The following PLEKHG1 variants were observed in gnomAD, a reference collection of about 807,000 sequenced individuals.
PLEKHG1 encodes pleckstrin homology and RhoGEF domain containing G1.
A neutral mutation model predicts 100.8 loss-of-function variants in PLEKHG1; 44 were observed. The ratio of observed to expected loss-of-function variants is 0.44; its 90% CI spans 0.34 to 0.56. PLEKHG1 has a LOEUF of 0.56. Ranked by LOEUF, PLEKHG1 falls within the 20% of genes least tolerant of loss-of-function variation. The pLI is 0.01. For synonymous variants in PLEKHG1, 640 were observed against 662.5 expected (o/e 0.97, Z 0.52); for missense variants, 1,545 against 1,720.9 (o/e 0.90, Z 1.81).
intron 10 of PLEKHG1, among the ~76,000 whole-genome samples, chr6:150,812,491 G>C (rs1006506566): frequency 2.6e-5 from 4 of 152,092 alleles, no homozygotes. Flanking sequence ...AGGCTGCCGA[G>C]GTCAAGGAGA....
intron 2 of PLEKHG1, among the ~76,000 whole-genome samples, chr6:150,756,126 A>C (rs1783827255): frequency 6.6e-6 from 1 of 152,130 alleles, no homozygotes; most frequent in African/African-American, 2.4e-5. Context: ...ATGAATTAGG[A>C]CCAGGCCTCC....
chr6:150,798,981 T>A (rs1786534508), intron 5 of PLEKHG1, among the ~76,000 whole-genome samples: 1 of 151,922 alleles, frequency 6.6e-6, no homozygotes, highest in Non-Finnish European at 1.5e-5. Flanking sequence ...CCTCAAGTGA[T>A]CCACCCGCCT....
chr6:150,780,327 G>A (rs1433937930), intron 3 of PLEKHG1, among the ~76,000 whole-genome samples: 2 of 151,812 alleles, frequency 1.3e-5, no homozygotes, highest in Non-Finnish European at 2.9e-5. Context: ...TATTGGCCAG[G>A]CTGGTCTTGA....
rs147888964 is a variant in PLEKHG1 at position 150,601,411 on chromosome 6, C to A, written c.-204+1394C>A. 8.1e-4 allele frequency among the ~76,000 whole-genome samples: 123 copies of A among 152,314 alleles called. 1 individual carries two copies. Among genetic ancestry groups the A allele is most frequent in the African/African-American group, 2.8e-3 (118 of 41,554 alleles). On this transcript the variant is annotated intron_variant, in intron 1 of 3. Coordinates refer to the PLEKHG1 transcript ENST00000367326. ...TGCCTCCCTTATAAAGCAGTGCACA[C>A]GAACCAGATAGCTTCTACGGCCTCC...
intron 2 of PLEKHG1, among the ~76,000 whole-genome samples, chr6:150,766,058 T>C (rs1784439229): frequency 6.6e-6 from 1 of 152,222 alleles, no homozygotes; most frequent in South Asian, 2.1e-4. Flanking sequence ...GCAAATCTTA[T>C]AATGGTAGAG....
intron 14 of PLEKHG1, among the ~76,000 whole-genome samples, chr6:150,824,615 G>A (rs1434818746): frequency 1.3e-5 from 2 of 151,600 alleles, no homozygotes; most frequent in African/African-American, 4.8e-5. Flanking sequence ...TCTGACTCCC[G>A]GGTTCAAGCA....
At chr6:150,760,603 A>G (rs1427800322) in intron 2 of PLEKHG1, among the ~76,000 whole-genome samples, 1 of 151,758 alleles carries the variant, frequency 6.6e-6, no homozygotes, top group Non-Finnish European at 1.5e-5. Context: ...ACATGCATTC[A>G]ACAGCACATA....
chr6:150,682,927 C>T (rs1386906069), intron 3 of PLEKHG1, among the ~76,000 whole-genome samples: 1 of 152,168 alleles, frequency 6.6e-6, no homozygotes, highest in Non-Finnish European at 1.5e-5. Context: ...TGAAACATGC[C>T]ACACACAGCC....
chr6:150,706,986 C>CTTTTTTTTTTTTTTTTTTT (rs1781040055), intron 3 of PLEKHG1, among the ~76,000 whole-genome samples: 1 of 54,716 alleles, frequency 1.8e-5, no homozygotes, highest in South Asian at 6.4e-4. Flanking sequence ...CTTTTCTTTT[C>CTTTTTTTTTTTTTTTTTTT]TTTTTCTTTT....
At chr6:150,653,188 GTTTTAACT>G (rs1778818428) in intron 3 of PLEKHG1, among the ~76,000 whole-genome samples, 1 of 152,050 alleles carries the variant, frequency 6.6e-6, no homozygotes, top group South Asian at 2.1e-4. Flanking sequence ...CTATGGAATT[GTTTTAACT>G]TTACTTTAAA....
intron 3 of PLEKHG1, among the ~76,000 whole-genome samples, chr6:150,786,129 C>T (rs774856207): frequency 1.3e-5 from 2 of 151,948 alleles, no homozygotes; most frequent in African/African-American, 4.8e-5. Flanking sequence ...TGATGACAAA[C>T]GTCTGCAAAA....
At chr6:150,839,729 CA>C in intron 15 of PLEKHG1, 103 bp from the exon 17 acceptor site, 1 of 759,706 alleles carries the variant, frequency 1.3e-6, no homozygotes, top group African/African-American at 1.7e-5. Flanking sequence ...TGTCTACTGT[CA>C]AAATTTTAAA....
chr6:150,612,635 AAT>A (rs1185466465), intron 1 of PLEKHG1, among the ~76,000 whole-genome samples: 4 of 151,984 alleles, frequency 2.6e-5, no homozygotes, highest in African/African-American at 9.7e-5. Flanking sequence ...GCCCAGCCTG[AAT>A]GTGTTTTAAT....
At chr6:150,680,448 GA>G (rs1779894896) in intron 3 of PLEKHG1, among the ~76,000 whole-genome samples, 1 of 152,188 alleles carries the variant, frequency 6.6e-6, no homozygotes, top group Admixed American at 6.5e-5. Context: ...AGTTTCCTGT[GA>G]AATCTCAAAG....
At chr6:150,774,494 C>T (rs1784854785) in intron 3 of PLEKHG1, among the ~76,000 whole-genome samples, 1 of 148,268 alleles carries the variant, frequency 6.7e-6, no homozygotes, top group Non-Finnish European at 1.5e-5. Context: ...CCTACCCAGT[C>T]ACAATGTTTT....
At chr6:150,675,240 CCT>C (rs948935864) in intron 3 of PLEKHG1, among the ~76,000 whole-genome samples, 2 of 152,124 alleles carry the variant, frequency 1.3e-5, no homozygotes, top group African/African-American at 4.8e-5. Context: ...CCTTCAGTCC[CCT>C]CTCTGTTCAC....
intron 3 of PLEKHG1, among the ~76,000 whole-genome samples, chr6:150,707,318 A>G (rs1029209342): frequency 2.0e-5 from 3 of 151,958 alleles, no homozygotes; most frequent in Non-Finnish European, 2.9e-5. Context: ...TTTCATTTTC[A>G]TGTAGCTTAC....
At chr6:150,705,687 G>A (rs1009186919) in intron 3 of PLEKHG1, among the ~76,000 whole-genome samples, 1 of 152,214 alleles carries the variant, frequency 6.6e-6, no homozygotes, top group Non-Finnish European at 1.5e-5. Context: ...GGGGAAAATG[G>A]TTGGTTTTGT....
intron 3 of PLEKHG1, 53 bp downstream of exon 4, chr6:150,768,791 T>C: frequency 9.5e-7 from 1 of 1,054,112 alleles, no homozygotes; most frequent in Non-Finnish European, 1.5e-6. Flanking sequence ...TGAAAATTTC[T>C]CAAATGAATG....
Sources: gnomAD v4.1 joint callset for allele counts (sites outside exome capture counted in the v4.1 genomes callset) on GRCh38, gnomAD v4.1.1 for gene constraint, MANE v1.5 for transcripts, NCBI Gene and HGNC (gene_info 2026-07-23, HGNC 2026-07-21) for gene names.